The following GABRG3 variants were observed in gnomAD, a reference collection of about 807,000 sequenced individuals.
GABRG3 encodes the protein gamma-aminobutyric acid receptor subunit gamma-3.
GABRG3 carries 25 observed loss-of-function variants against 48.8 expected under a neutral mutation model. That is an observed-to-expected ratio of 0.51 (90% CI 0.37 to 0.72). GABRG3 has a LOEUF of 0.72. Among genes scored for constraint, GABRG3 ranks in the 30% least tolerant of loss-of-function variants. The pLI is 0.00. For synonymous variants in GABRG3, 227 were observed against 217.6 expected (o/e 1.04, Z -0.38); for missense variants, 394 against 577.9 (o/e 0.68, Z 3.26).
At chr15:27,301,680 TAAAAAC>T (rs1333131039) in intron 3 of GABRG3, among the ~76,000 whole-genome samples, 4 of 151,882 alleles carry the variant, frequency 2.6e-5, no homozygotes, top group East Asian at 1.9e-4. Context: ...ATAAAACAGT[TAAAAAC>T]AAAACAAAAA....
At chr15:27,496,748 G>C (rs1644834467) in intron 6 of GABRG3, among the ~76,000 whole-genome samples, 1 of 152,154 alleles carries the variant, frequency 6.6e-6, no homozygotes, top group Admixed American at 6.5e-5. Flanking sequence ...ATCTAAAAGG[G>C]AAGACGAGGC....
chr15:27,100,882 A>G (rs1353772976), intron 3 of GABRG3, among the ~76,000 whole-genome samples: 2 of 152,246 alleles, frequency 1.3e-5, no homozygotes, highest in Admixed American at 6.5e-5. Flanking sequence ...ATCAAACTTG[A>G]TGGTGAAAGA....
At chr15:26,979,926 C>A (rs1364286976) in intron 2 of GABRG3, among the ~76,000 whole-genome samples, 1 of 152,110 alleles carries the variant, frequency 6.6e-6, no homozygotes, top group Non-Finnish European at 1.5e-5. Flanking sequence ...TGTGTTAATT[C>A]TTTAAATGTT....
intron 3 of GABRG3, among the ~76,000 whole-genome samples, chr15:27,298,938 G>A (rs1892097931): frequency 6.6e-6 from 1 of 152,070 alleles, no homozygotes; most frequent in Non-Finnish European, 1.5e-5. Context: ...CCTGTTCTGG[G>A]TTAAATGAAC....
At chr15:27,460,904 A>G (rs1231028596) in intron 5 of GABRG3, among the ~76,000 whole-genome samples, 1 of 152,174 alleles carries the variant, frequency 6.6e-6, no homozygotes, top group African/African-American at 2.4e-5. Context: ...TCTCAGGGCT[A>G]GATAGCTAGG....
At chr15:27,455,110 A>G (rs1160328279) in intron 5 of GABRG3, among the ~76,000 whole-genome samples, 1 of 152,218 alleles carries the variant, frequency 6.6e-6, no homozygotes, top group East Asian at 1.9e-4. Context: ...TCTAAAGAGA[A>G]TATTCTTTTC....
At chr15:27,529,098 A>T (rs1467452092) in intron 9 of GABRG3, among the ~76,000 whole-genome samples, 1 of 152,136 alleles carries the variant, frequency 6.6e-6, no homozygotes, top group Non-Finnish European at 1.5e-5. Context: ...TCTTTTGAGC[A>T]CTATGCTTGA....
chr15:27,376,125 A>C (rs73365277), intron 5 of GABRG3, among the ~76,000 whole-genome samples: 35 of 152,380 alleles, frequency 2.3e-4, no homozygotes, highest in African/African-American at 8.4e-4. Flanking sequence ...CCCAAAACCC[A>C]GTGGGGCAGT....
At chr15:27,365,955 A>T (rs1335582560) in intron 5 of GABRG3, 1 of 152,132 alleles carries the variant, frequency 6.6e-6, no homozygotes, top group African/African-American at 2.4e-5. Context: ...TATTCCTCAA[A>T]TGTACAGATT....
chr15:27,381,032 T>G (rs1053388902), intron 5 of GABRG3, among the ~76,000 whole-genome samples: 41 of 152,302 alleles, frequency 2.7e-4, no homozygotes, highest in African/African-American at 9.1e-4. Flanking sequence ...CCCAAAGTGC[T>G]AGGATTACAG....
At position 27,354,282 on chromosome 15, in the gene GABRG3, C is replaced by T. The variant is rs79632549; in HGVS notation, c.574+25394C>T. On this transcript the variant is annotated intron_variant, in intron 5 of 9. Coordinates refer to ENST00000615808, the MANE Select transcript of GABRG3 (RefSeq NM_033223.5). ...TGCAATTATCACCATGGGAATGCTG[C>T]AAGCCCCTGCGTACCTCCTTCTCAC... 1.0e-2 allele frequency among the ~76,000 whole-genome samples: 1,523 copies of T among 152,328 alleles called. 30 individuals are homozygous for T. The highest frequency in any genetic ancestry group is 0.035 in the African/African-American group (1,438 of 41,560).
chr15:27,092,929 A>G (rs1268166092), intron 3 of GABRG3, among the ~76,000 whole-genome samples: 1 of 151,894 alleles, frequency 6.6e-6, no homozygotes, highest in African/African-American at 2.4e-5. Flanking sequence ...TTGGTCTGGT[A>G]GCTGAGTTTG....
chr15:27,211,375 G>A (rs1889075620), intron 3 of GABRG3, among the ~76,000 whole-genome samples: 1 of 151,724 alleles, frequency 6.6e-6, no homozygotes, highest in South Asian at 2.1e-4. Context: ...AAGAGAGAAG[G>A]ACTGCTTAGG....
chr15:27,008,831 C>T (rs753542536), intron 2 of GABRG3, among the ~76,000 whole-genome samples: 1 of 152,152 alleles, frequency 6.6e-6, no homozygotes, highest in Non-Finnish European at 1.5e-5. Flanking sequence ...TGGGGTAAAG[C>T]TCAGCTGAGG....
chr15:27,377,208 C>T (rs1895624824), intron 5 of GABRG3, among the ~76,000 whole-genome samples: 1 of 152,340 alleles, frequency 6.6e-6, no homozygotes, highest in Non-Finnish European at 1.5e-5. Flanking sequence ...GTTCATATCA[C>T]TATAAGCATT....
rs183464954 is a variant in GABRG3 at position 27,005,813 on chromosome 15, T to C, written c.203-20941T>C. Among the ~76,000 whole-genome samples, 4 of 152,324 alleles carry C rather than the reference T, an allele frequency of 2.6e-5. No homozygotes were observed. The East Asian group carries it at 7.7e-4, about 29-fold the overall frequency. On this transcript the variant is annotated intron_variant, in intron 2 of 9. Coordinates refer to ENST00000615808, the MANE Select transcript of GABRG3 (RefSeq NM_033223.5). ...GACCTAGATCAAGTAGAGTCTACCC[T>C]TGGTGGTAGAGTTTGTGGCCAATTT...
intron 2 of GABRG3, among the ~76,000 whole-genome samples, chr15:27,007,849 T>C (rs2140664006): frequency 6.6e-6 from 1 of 152,304 alleles, no homozygotes; most frequent in African/African-American, 2.4e-5. Context: ...TTTTCATCCA[T>C]TCTGTAGGTT....
At chr15:26,983,334 G>A (rs1332632320) in intron 2 of GABRG3, among the ~76,000 whole-genome samples, 8 of 151,914 alleles carry the variant, frequency 5.3e-5, no homozygotes, top group Admixed American at 3.3e-4. Context: ...GTACACCCTG[G>A]GAGCCCCCGG....
intron 3 of GABRG3, among the ~76,000 whole-genome samples, chr15:27,186,434 C>T (rs1888100493): frequency 6.6e-6 from 1 of 152,064 alleles, no homozygotes; most frequent in Non-Finnish European, 1.5e-5. Context: ...TAAGTTGACT[C>T]CCTGTCATTG....
Sources: gnomAD v4.1 joint callset for allele counts (sites outside exome capture counted in the v4.1 genomes callset) on GRCh38, gnomAD v4.1.1 for gene constraint, MANE v1.5 for transcripts, NCBI Gene and HGNC (gene_info 2026-07-23, HGNC 2026-07-21) for gene names.